BANP: variants seen among roughly 807,000 people sequenced by gnomAD.
BANP encodes the protein protein BANP.
BANP carries 11 observed loss-of-function variants against 68.1 expected under a neutral mutation model. The observed-to-expected ratio is 0.16, with a 90% confidence interval of 0.10 to 0.27. The LOEUF (loss-of-function observed/expected upper bound fraction) is 0.27, where lower values mean the gene tolerates loss of function less well. BANP is among the 10% of genes least tolerant of loss of function. BANP has a pLI of 1.00. For missense variants in BANP, 504 were observed against 722.7 expected (o/e 0.70, Z 3.47); for synonymous variants, 329 against 303.2 (o/e 1.09, Z -0.88).
At position 88,023,465 on chromosome 16, in the gene BANP, G is replaced by GGCTTCCAGAC. The variant is rs11283214; in HGVS notation, c.896-4016_896-4015insTTCCAGACGC. ...TGTCAGCTGGCTTCCATCGGGCAGA[G>GGCTTCCAGAC]GCCTTTTGTTTTTCTAGGCAGCGCT... On this transcript the variant is annotated intron_variant, in intron 7 of 13. Coordinates refer to ENST00000682872, the MANE Select transcript of BANP (RefSeq NM_001386991.1). 4.8e-5 allele frequency among the ~76,000 whole-genome samples: 6 copies of GGCTTCCAGAC among 123,910 alleles called. No homozygotes were observed. In the South Asian group the frequency reaches 1.3e-3, roughly 28 times the overall value. 81.3% of individuals were successfully genotyped at this position (123,910 alleles called of 152,430 possible). A position where few individuals can be genotyped will look rare whatever the true frequency, so the allele number is the denominator to read the frequency against.
chr16:88,033,348 A>G lies in BANP; in HGVS notation c.1200+103A>G, dbSNP rs557078645. The stretch of plus-strand genomic sequence containing the variant: ...CGGTTCCGCTGTGTTTTGGGAGCAC[A>G]GTGATAGCTTGGGAGGAGGCACAAG... On this transcript the variant is annotated intron_variant, in intron 9 of 13. Transcript: ENST00000682872. 27 of 1,240,086 alleles carry G rather than the reference A, an allele frequency of 2.2e-5. 1 individual carries two copies. The Admixed American group carries it at 5.1e-4, about 23-fold the overall frequency. The allele number at this position is 1,240,086 out of a possible 1,614,324, so 76.8% of individuals were successfully genotyped here.
In BANP at chr16:88,035,305, T is replaced by C; in HGVS notation, c.1201-18T>C. 1 of 1,597,532 alleles carries C rather than the reference T, an allele frequency of 6.3e-7. No homozygotes were observed. The highest frequency in any genetic ancestry group is 8.5e-7 in the Non-Finnish European group (1 of 1,171,588). Reference sequence around the variant, plus strand: ...TTGATTTTCTTCTGATGCTTCTTGGTGTCTTTTCTTGCTGCGGATCCCACA... The same window carrying C: ...TTGATTTTCTTCTGATGCTTCTTGGCGTCTTTTCTTGCTGCGGATCCCACA... On this transcript the variant is annotated intron_variant, in intron 9 of 13. Transcript: ENST00000682872.
chr16:88,058,125 CTG>C (rs150446883), intron 11 of BANP, among the ~76,000 whole-genome samples: 14,151 of 152,152 alleles, frequency 0.093, 1,185 homozygotes, highest in African/African-American at 0.23. Flanking sequence ...CATCTAGAGA[CTG>C]TAGATGCAGG....
At chr16:88,061,542 G>A (rs1178486958) in intron 11 of BANP, among the ~76,000 whole-genome samples, 3 of 152,168 alleles carry the variant, frequency 2.0e-5, no homozygotes, top group African/African-American at 7.2e-5. Context: ...CCCATCAGTG[G>A]GTTTAAAGGC....
At chr16:87,956,173 G>A (rs1263598978) in intron 1 of BANP, among the ~76,000 whole-genome samples, 1 of 152,208 alleles carries the variant, frequency 6.6e-6, no homozygotes, top group African/African-American at 2.4e-5. Context: ...ACGATTAAGT[G>A]ATTGACATGA....
chr16:87,971,613 A>G (rs950759846), intron 1 of BANP, among the ~76,000 whole-genome samples: 6 of 132,626 alleles, frequency 4.5e-5, no homozygotes, highest in Non-Finnish European at 1.0e-4. Context: ...ATTGGGCTGT[A>G]TCTTGGTGTT....
chr16:88,002,927 A>G lies in BANP; in HGVS notation c.363-1368A>G, dbSNP rs1361794173. Among the ~76,000 whole-genome samples the G allele has an allele frequency of 6.6e-6, 1 of 152,082 alleles. No individual in the cohort carries two copies. Among genetic ancestry groups the G allele is most frequent in the Non-Finnish European group, 1.5e-5 (1 of 67,984 alleles). On this transcript the variant is annotated intron_variant, in intron 4 of 13. Transcript: ENST00000682872. This position sits in a 1 kb window ranked among gnomAD's most constrained non-coding sequence, Gnocchi z 4.6. ...GCATGTGTGGACATGCTGTGAGCCT[A>G]GGATCCCGGGGACACCAGCCTTCCC...
At chr16:87,966,534 T>C (rs2060051735) in intron 1 of BANP, among the ~76,000 whole-genome samples, 1 of 152,232 alleles carries the variant, frequency 6.6e-6, no homozygotes, top group African/African-American at 2.4e-5. Flanking sequence ...TAAATGACTC[T>C]TGATCCTGGC....
At chr16:88,020,257 A>T (rs7498426) in intron 7 of BANP, among the ~76,000 whole-genome samples, 148,134 of 152,314 alleles carry the variant, frequency 0.97, 72,159 homozygotes, top group East Asian at 1. Flanking sequence ...ACAGACGAGG[A>T]GTCAGCGCAT....
chr16:87,961,373 G>A (rs1035266776), intron 1 of BANP, among the ~76,000 whole-genome samples: 2 of 151,164 alleles, frequency 1.3e-5, no homozygotes, highest in African/African-American at 4.9e-5. Flanking sequence ...TGTGTTGCCC[G>A]GGTTGGTCTC....
At chr16:88,010,073 G>T (rs1458933846) in intron 6 of BANP, among the ~76,000 whole-genome samples, 1 of 152,244 alleles carries the variant, frequency 6.6e-6, no homozygotes, top group Non-Finnish European at 1.5e-5. Flanking sequence ...TCATTCTTGT[G>T]CTTGCCTTTT....
Position 88,003,016 on chromosome 16 carries a change from C to A in BANP, c.363-1279C>A, listed in dbSNP as rs1398512783. Among the ~76,000 whole-genome samples, 2 of 152,160 alleles carry A rather than the reference C, an allele frequency of 1.3e-5. No individual in the cohort carries two copies. The highest frequency in any genetic ancestry group is 4.8e-5 in the African/African-American group (2 of 41,430). ...CCATAGCCTCCACTTGGGGAACATA[C>A]CAAGCTCGTGCAAGTCAGGTAGCCT... On this transcript the variant is annotated intron_variant, in intron 4 of 13. Transcript: ENST00000682872. This position sits in a 1 kb window ranked among gnomAD's most constrained non-coding sequence, Gnocchi z 6.1.
intron 11 of BANP, among the ~76,000 whole-genome samples, chr16:88,053,588 T>G (rs1168278380): frequency 8.3e-6 from 1 of 119,774 alleles, no homozygotes; most frequent in Admixed American, 8.2e-5. Context: ...ATCATCATCA[T>G]CACCAACACA....
intron 11 of BANP, among the ~76,000 whole-genome samples, chr16:88,044,724 C>T (rs58979136): frequency 0.078 from 11,909 of 152,270 alleles, 628 homozygotes; most frequent in East Asian, 0.17. Flanking sequence ...TGGCTCACGC[C>T]TGTAATCCCA....
At chr16:88,019,739 G>C (rs1478475536) in intron 7 of BANP, among the ~76,000 whole-genome samples, 1 of 151,766 alleles carries the variant, frequency 6.6e-6, no homozygotes, top group Non-Finnish European at 1.5e-5. Context: ...TCAGCGTGCA[G>C]GGCCAGCTGT....
intron 11 of BANP, among the ~76,000 whole-genome samples, chr16:88,038,950 G>A (rs918123267): frequency 1.3e-5 from 2 of 152,200 alleles, no homozygotes; most frequent in South Asian, 2.1e-4. Context: ...ACTGTCCTTC[G>A]AGAAACCTGC....
chr16:88,040,029 C>G (rs900935844), intron 11 of BANP, among the ~76,000 whole-genome samples: 3 of 152,214 alleles, frequency 2.0e-5, no homozygotes, highest in Non-Finnish European at 4.4e-5. Flanking sequence ...CTCATACGCT[C>G]CTGATTCCTA....
At chr16:88,037,866 C>G (rs2079749045) in intron 10 of BANP, 107 bp from the exon 11 acceptor site, 4 of 1,140,862 alleles carry the variant, frequency 3.5e-6, no homozygotes, top group East Asian at 4.7e-5. Flanking sequence ...CTGGGGTTTT[C>G]TTGTTATTCT....
intron 6 of BANP, among the ~76,000 whole-genome samples, chr16:88,008,699 G>T (rs978030692): frequency 6.6e-6 from 1 of 152,172 alleles, no homozygotes; most frequent in Non-Finnish European, 1.5e-5. Flanking sequence ...GATGTTTTGT[G>T]TAAGACATTT....
Sources: gnomAD v4.1 joint callset for allele counts (sites outside exome capture counted in the v4.1 genomes callset) on GRCh38, gnomAD v4.1.1 for gene constraint, Gnocchi (gnomAD v3.1) non-coding constraint, MANE v1.5 for transcripts, NCBI Gene and HGNC (gene_info 2026-07-23, HGNC 2026-07-21) for gene names.